Variants in ARHGEF10 observed in about 807,000 individuals in gnomAD.
ARHGEF10 encodes Rho guanine nucleotide exchange factor 10.
Under a neutral mutation model 147.4 loss-of-function variants are expected in ARHGEF10, and 140 were observed. That is an observed-to-expected ratio of 0.95 (90% CI 0.83 to 1.09). ARHGEF10 has a LOEUF of 1.09. ARHGEF10 is among the 50% of genes least tolerant of loss of function. The probability of loss-of-function intolerance (pLI) is 0.00; values close to 1 mark genes in which losing one functional copy is unlikely to be tolerated. For synonymous variants in ARHGEF10, 902 were observed against 695.8 expected, an observed-to-expected ratio of 1.30 and a Z score of -4.67; for missense variants, 2,222 against 1,752.7, an observed-to-expected ratio of 1.27 and a Z score of -4.78.
chr8:1,922,009 A>T (rs780573683), intron 18 of ARHGEF10, among the ~76,000 whole-genome samples: 1 of 152,194 alleles, frequency 6.6e-6, no homozygotes, highest in Admixed American at 6.5e-5. Context: ...CATATTGCTT[A>T]AAGTACAGAC....
intron 11 of ARHGEF10, among the ~76,000 whole-genome samples, chr8:1,887,560 G>A (rs548059207): frequency 6.6e-6 from 1 of 151,162 alleles, no homozygotes. Flanking sequence ...GTTGGGTGAG[G>A]AGTCTGTGAG....
rs117208117 is a variant in ARHGEF10 at position 1,888,335 on chromosome 8, T to C, written c.1182+2628T>C. ...GATATGCTGAGTGGGATGTTGACTG[T>C]GAGGAGACACTGAGTGGGGTGAGGG... On this transcript the variant is annotated intron_variant, in intron 11 of 28. Transcript: ENST00000349830. Among the ~76,000 whole-genome samples the C allele has an allele frequency of 3.2e-4, 18 of 55,802 alleles. 3 individuals carry two copies. The highest frequency in any genetic ancestry group is 1.2e-3 in the African/African-American group (16 of 13,168). The allele number at this position is 55,802 out of a possible 152,430, so 36.6% of individuals were successfully genotyped here. A position where few individuals can be genotyped will look rare whatever the true frequency, so the allele number is the denominator to read the frequency against.
chr8:1,904,065 C>G (rs1810695386), intron 16 of ARHGEF10: 1 of 153,042 alleles, frequency 6.5e-6, no homozygotes, highest in South Asian at 2.1e-4. Flanking sequence ...GTGCTGCACT[C>G]TAGCCTGGGT....
intron 14 of ARHGEF10, among the ~76,000 whole-genome samples, chr8:1,897,740 G>T (rs931242482): frequency 6.6e-6 from 1 of 152,168 alleles, no homozygotes; most frequent in African/African-American, 2.4e-5. Flanking sequence ...ACTCCCTCTG[G>T]GGATTTTGCT....
chr8:1,850,121 CAG>C lies in ARHGEF10; in HGVS notation c.37+6688_37+6689del, dbSNP rs556519397. ...AGGGCGTGGGCCGGCTGCATGGACA[CAG>C]AGGGCAAATGCTGAGGAGGGTGTGG... is the stretch of plus-strand genomic sequence containing the variant. On this transcript the variant is annotated intron_variant, in intron 2 of 28. Transcript: ENST00000349830. Among the ~76,000 whole-genome samples the C allele has an allele frequency of 2.1e-4, 27 of 129,352 alleles. 1 individual carries two copies. The highest frequency in any genetic ancestry group is 7.3e-4 in the South Asian group (3 of 4,094). The allele number at this position is 129,352 out of a possible 152,430, so 84.9% of individuals were successfully genotyped here. A position where few individuals can be genotyped will look rare whatever the true frequency, so the allele number is the denominator to read the frequency against.
At position 1,841,988 on chromosome 8, in the gene ARHGEF10, TGGGG is replaced by T. The variant is rs1563161967; in HGVS notation, c.-47-1364_-47-1361del. Among the ~76,000 whole-genome samples the T allele has an allele frequency of 3.7e-3, 236 of 63,856 alleles. 30 individuals carry two copies. Among genetic ancestry groups the T allele is most frequent in the East Asian group, 0.011 (24 of 2,196 alleles). 41.9% of individuals were successfully genotyped at this position (63,856 alleles called of 152,430 possible). On this transcript the variant is annotated intron_variant, in intron 1 of 28. Transcript: ENST00000349830. ...CCGGAACTGGGGCCGCGGCGGGAAC[TGGGG>T]CCGCGGCGGGAACTGGGGCCGCGGC... is the stretch of plus-strand genomic sequence containing the variant.
chr8:1,923,663 C>A, intron 20 of ARHGEF10, 68 bp downstream of exon 20: 1 of 1,613,926 alleles, frequency 6.2e-7, no homozygotes, highest in Non-Finnish European at 8.5e-7. Flanking sequence ...TTTGTCATGA[C>A]ATGTATGTTT....
At chr8:1,832,188 C>A (rs1433087321) in intron 1 of ARHGEF10, among the ~76,000 whole-genome samples, 2 of 151,944 alleles carry the variant, frequency 1.3e-5, no homozygotes, top group African/African-American at 4.8e-5. Context: ...AGGGAGTCTC[C>A]CAAGGGCTCC....
chr8:1,923,210 TTTTCTC>T (rs1812430719), intron 19 of ARHGEF10, 131 bp downstream of exon 19: 1 of 900,124 alleles, frequency 1.1e-6, no homozygotes, highest in African/African-American at 1.7e-5. Flanking sequence ...TGAATGTACA[TTTTCTC>T]TTACGTTAGA....
chr8:1,929,554 G>A, intron 25 of ARHGEF10, 111 bp downstream of exon 25: 1 of 1,335,238 alleles, frequency 7.5e-7, no homozygotes, highest in Non-Finnish European at 1.0e-6. Flanking sequence ...CCGCCCCTGT[G>A]CCTCCGCCCC....
At chr8:1,825,496 T>C (rs2129028259) in intron 1 of ARHGEF10, among the ~76,000 whole-genome samples, 1 of 136,012 alleles carries the variant, frequency 7.4e-6, no homozygotes, top group South Asian at 2.5e-4. Flanking sequence ...ACCCCAGCTG[T>C]CCCCCCCGTA....
chr8:1,842,790 G>A (rs1331687125), intron 1 of ARHGEF10, among the ~76,000 whole-genome samples: 3 of 152,246 alleles, frequency 2.0e-5, no homozygotes, highest in Admixed American at 6.5e-5. Flanking sequence ...TCGAAGCAGG[G>A]AGGGAAACAC....
chr8:1,901,373 C>A (rs1463443479), intron 15 of ARHGEF10, among the ~76,000 whole-genome samples: 2 of 152,144 alleles, frequency 1.3e-5, no homozygotes, highest in African/African-American at 4.8e-5. Flanking sequence ...GCTCCCAGAC[C>A]TTCTTTCTAA....
chr8:1,879,977 T>C, intron 8 of ARHGEF10, 71 bp from the exon 9 acceptor site: 1 of 1,077,566 alleles, frequency 9.3e-7, no homozygotes, highest in South Asian at 1.2e-5. Flanking sequence ...CAGCATCCTC[T>C]CAATGTAAAA....
intron 18 of ARHGEF10, among the ~76,000 whole-genome samples, chr8:1,911,580 G>T (rs1216475903): frequency 6.6e-6 from 1 of 152,204 alleles, no homozygotes; most frequent in Non-Finnish European, 1.5e-5. Flanking sequence ...TACAGAGAAG[G>T]TGAAAGTGGG....
At chr8:1,845,285 C>CT (rs1804468574) in intron 2 of ARHGEF10, among the ~76,000 whole-genome samples, 1 of 149,364 alleles carries the variant, frequency 6.7e-6, no homozygotes, top group African/African-American at 2.5e-5. Flanking sequence ...GCGGCTGTCC[C>CT]TCCAGGGGCC....
chr8:1,952,882 C>T, intron 28 of ARHGEF10, 55 bp downstream of exon 28: 1 of 1,611,794 alleles, frequency 6.2e-7, no homozygotes, highest in Non-Finnish European at 8.5e-7. Flanking sequence ...GCTCGTGGAG[C>T]ATAGCAGTGT....
chr8:1,933,685 T>C (rs894180938), intron 25 of ARHGEF10, 115 bp from the exon 26 acceptor site: 27 of 1,343,478 alleles, frequency 2.0e-5, no homozygotes, highest in African/African-American at 7.2e-5. Context: ...GCACAAGCAT[T>C]AACATTACAG....
intron 14 of ARHGEF10, among the ~76,000 whole-genome samples, chr8:1,898,015 C>A (rs1212769132): frequency 6.6e-6 from 1 of 152,160 alleles, no homozygotes; most frequent in African/African-American, 2.4e-5. Flanking sequence ...GCCTTGGTAG[C>A]AAATGGCCCC....
Sources: gnomAD v4.1 joint callset for allele counts (sites outside exome capture counted in the v4.1 genomes callset) on GRCh38, gnomAD v4.1.1 for gene constraint, MANE v1.5 for transcripts, NCBI Gene and HGNC (gene_info 2026-07-23, HGNC 2026-07-21) for gene names.